The following ADSL variants were observed in gnomAD, a reference collection of about 807,000 sequenced individuals.
ADSL encodes the protein adenylosuccinate lyase, also known as adenylosuccinase.
A neutral mutation model predicts 62.1 loss-of-function variants in ADSL; 44 were observed. The ratio of observed to expected loss-of-function variants is 0.71; its 90% CI spans 0.56 to 0.91. The LOEUF (loss-of-function observed/expected upper bound fraction) is 0.91, where lower values mean the gene tolerates loss of function less well. ADSL is among the 40% of genes least tolerant of loss of function. The pLI, the probability that ADSL is intolerant of heterozygous loss-of-function variation, is 0.00. For missense variants in ADSL, 531 were observed against 627.4 expected (o/e 0.85, Z 1.64); for synonymous variants, 198 against 220.5 (o/e 0.90, Z 0.90).
chr22:40,379,749 C>T (rs1057220277), intron 2 of ADSL, among the ~76,000 whole-genome samples: 4 of 152,120 alleles, frequency 2.6e-5, no homozygotes, highest in African/African-American at 9.7e-5. Flanking sequence ...CACTTTGTCA[C>T]CCAGGCTGGA....
At chr22:40,360,569 A>G in intron 7 of ADSL, 77 bp downstream of exon 7, 1 of 1,016,736 alleles carries the variant, frequency 9.8e-7, no homozygotes. Flanking sequence ...TCAGACTTTT[A>G]CTTAACCATC....
intron 12 of ADSL, among the ~76,000 whole-genome samples, 198 bp downstream of exon 12, chr22:40,365,254 T>C (rs1244490795): frequency 6.6e-6 from 1 of 152,158 alleles, no homozygotes; most frequent in African/African-American, 2.4e-5. Flanking sequence ...TCATCCAGGC[T>C]GGAGTGCAGT....
chr22:40,385,751 AG>A (rs1350247916), intron 2 of ADSL, among the ~76,000 whole-genome samples: 1 of 152,268 alleles, frequency 6.6e-6, no homozygotes, highest in Non-Finnish European at 1.5e-5. Flanking sequence ...AAAGTCAACT[AG>A]AGATGAATGA....
At chr22:40,350,869 C>T (rs1483183848) in intron 2 of ADSL, among the ~76,000 whole-genome samples, 1 of 152,070 alleles carries the variant, frequency 6.6e-6, no homozygotes, top group African/African-American at 2.4e-5. Context: ...TATCTGCCCA[C>T]CTTGGCCTCC....
At chr22:40,376,863 A>G (rs755758611) in intron 2 of ADSL, among the ~76,000 whole-genome samples, 1 of 152,208 alleles carries the variant, frequency 6.6e-6, no homozygotes, top group Non-Finnish European at 1.5e-5. Flanking sequence ...GGCTGTGACA[A>G]GCATTTACGG....
Position 40,360,422 on chromosome 22 carries a change from A to G in ADSL, c.722A>G (p.Gln241Arg). The G allele has an allele frequency of 6.2e-7, 1 of 1,613,670 alleles. No individual in the cohort carries two copies. Among genetic ancestry groups the G allele is most frequent in the Non-Finnish European group, 8.5e-7 (1 of 1,179,826 alleles). Residue 241 changes from glutamine to arginine, a missense_variant, in exon 7 of 13, where the codon CAG (glutamine) becomes CGG (arginine). Transcript: ENST00000623063. The stretch of plus-strand genomic sequence containing the variant: ...CCTAGAGCTTTCATCATCACAGGGC[A>G]GACATATACACGAAAAGTGGATATT... ...GFKRAFIITG[Q>R]TYTRKVDIEV...
intron 9 of ADSL, 92 bp downstream of exon 9, chr22:40,361,727 A>C: frequency 6.6e-7 from 1 of 1,512,670 alleles, no homozygotes; most frequent in South Asian, 1.1e-5. Flanking sequence ...GCATCTCTAC[A>C]GTCTCCTTAT....
intron 9 of ADSL, among the ~76,000 whole-genome samples, chr22:40,362,722 C>CT (rs1172277540): frequency 6.6e-6 from 1 of 152,066 alleles, no homozygotes; most frequent in African/African-American, 2.4e-5. Context: ...GAGAAAGTGG[C>CT]TGAGTTCAGT....
At chr22:40,371,174 C>T (rs1413173257), downstream of ADSL, among the ~76,000 whole-genome samples, 1 of 152,208 alleles carries the variant, frequency 6.6e-6, no homozygotes, top group Non-Finnish European at 1.5e-5. Context: ...CTCGGAACAC[C>T]GGTGTGTTTG....
chr22:40,349,693 T>C, intron 1 of ADSL, 139 bp from the exon 2 acceptor site: 1 of 785,848 alleles, frequency 1.3e-6, no homozygotes, highest in Non-Finnish European at 2.1e-6. Context: ...ACTTTCAACT[T>C]GGTTGCCTCA....
intron 2 of ADSL, among the ~76,000 whole-genome samples, chr22:40,380,557 G>A (rs1601770549): frequency 6.6e-6 from 1 of 151,896 alleles, no homozygotes; most frequent in South Asian, 2.1e-4. Context: ...AATAGAGATG[G>A]GTTTTCACCA....
intron 2 of ADSL, among the ~76,000 whole-genome samples, chr22:40,350,693 A>G (rs1420291756): frequency 6.6e-6 from 1 of 151,378 alleles, no homozygotes; most frequent in African/African-American, 2.4e-5. Context: ...ATCTTGGCTC[A>G]CTGCAACCTC....
intron 2 of ADSL, among the ~76,000 whole-genome samples, chr22:40,384,436 G>A (rs1452932986): frequency 1.3e-5 from 2 of 152,036 alleles, no homozygotes; most frequent in Non-Finnish European, 2.9e-5. Context: ...GGATAACATA[G>A]GGAGACCCCC....
intron 1 of ADSL, 128 bp downstream of exon 1, chr22:40,346,839 C>T (rs2146613988): frequency 4.8e-6 from 5 of 1,034,076 alleles, no homozygotes; most frequent in Non-Finnish European, 6.9e-6. Context: ...CTGGGTGTTC[C>T]CTGTCCTGAG....
chr22:40,373,430 G>A (rs2059599449), downstream of ADSL: 1 of 152,046 alleles, frequency 6.6e-6, no homozygotes, highest in South Asian at 2.1e-4. Flanking sequence ...CCTCAACTCT[G>A]TTGAAACTAC....
intron 2 of ADSL, among the ~76,000 whole-genome samples, chr22:40,351,338 T>C (rs2044339468): frequency 6.6e-6 from 1 of 151,832 alleles, no homozygotes; most frequent in Non-Finnish European, 1.5e-5. Context: ...GCCCAGCTAA[T>C]TTTTTTTATT....
At position 40,346,569 on chromosome 22, in the gene ADSL, G is replaced by A; in HGVS notation, c.11G>A (p.Gly4Glu). 1 of 1,605,174 alleles carries A rather than the reference G, an allele frequency of 6.2e-7. No homozygotes were observed. Among genetic ancestry groups the A allele is most frequent in the Non-Finnish European group, 8.5e-7 (1 of 1,177,124 alleles). MAA[G>E]GDHGSPDSYR... The stretch of plus-strand genomic sequence containing the variant: ...GGTCGCAGGGTTGGGATGGCGGCTG[G>A]AGGCGATCATGGTTCGCCCGACAGC... Residue 4 changes from glycine (G) to glutamate (E), a missense_variant, in exon 1 of 13, where the codon GGA becomes GAA. Coordinates refer to ENST00000623063, the MANE Select transcript of ADSL (RefSeq NM_000026.4).
downstream of ADSL, among the ~76,000 whole-genome samples, chr22:40,372,317 G>A (rs1363199184): frequency 1.3e-5 from 2 of 151,532 alleles, no homozygotes; most frequent in Non-Finnish European, 2.9e-5. Context: ...TAGTAGAGAC[G>A]GGGTTTCACC....
chr22:40,351,546 G>A (rs1229892148), intron 2 of ADSL, among the ~76,000 whole-genome samples: 1 of 152,024 alleles, frequency 6.6e-6, no homozygotes, highest in African/African-American at 2.4e-5. Flanking sequence ...TGTTCAAACA[G>A]TCCTCCTGCC....
Sources: gnomAD v4.1 joint callset for allele counts (sites outside exome capture counted in the v4.1 genomes callset) on GRCh38, gnomAD v4.1.1 for gene constraint, MANE v1.5 for transcripts, NCBI Gene and HGNC (gene_info 2026-07-23, HGNC 2026-07-21) for gene names.